Variants in CDH13 observed in about 807,000 individuals in gnomAD.
CDH13 encodes cadherin 13.
A neutral mutation model predicts 63.8 loss-of-function variants in CDH13; 24 were observed. The ratio of observed to expected loss-of-function variants is 0.38; its 90% CI spans 0.27 to 0.53. The LOEUF (loss-of-function observed/expected upper bound fraction) is 0.53. Among genes scored for constraint, CDH13 ranks in the 20% least tolerant of loss-of-function variants. The probability of loss-of-function intolerance (pLI) is 0.85; values close to 1 mark genes in which losing one functional copy is unlikely to be tolerated. For synonymous variants in CDH13, 503 were observed against 355.3 expected, an observed-to-expected ratio of 1.42 and a Z score of -4.67; for missense variants, 1,049 against 903.1, an observed-to-expected ratio of 1.16 and a Z score of -2.07.
chr16:82,828,699 TAC>T (rs1456425689), intron 1 of CDH13, among the ~76,000 whole-genome samples: 1 of 151,902 alleles, frequency 6.6e-6, no homozygotes, highest in Non-Finnish European at 1.5e-5. Context: ...CATATATATA[TAC>T]ATATATACAC....
chr16:82,935,415 G>T (rs545731463), intron 2 of CDH13, among the ~76,000 whole-genome samples: 1 of 152,196 alleles, frequency 6.6e-6, no homozygotes, highest in South Asian at 2.1e-4. Context: ...AAGCCAGACC[G>T]TATGACATGG....
At chr16:83,067,675 C>T (rs1444224110) in intron 3 of CDH13, among the ~76,000 whole-genome samples, 1 of 152,158 alleles carries the variant, frequency 6.6e-6, no homozygotes, top group East Asian at 1.9e-4. Context: ...TCAAGGGAAA[C>T]ATGACTGAAT....
intron 5 of CDH13, among the ~76,000 whole-genome samples, chr16:83,279,772 C>G (rs754586300): frequency 6.6e-6 from 1 of 151,828 alleles, no homozygotes; most frequent in Non-Finnish European, 1.5e-5. Flanking sequence ...ATAGGCGTAG[C>G]TCAGAGATAT....
chr16:83,590,166 A>C (rs984105164), intron 7 of CDH13, among the ~76,000 whole-genome samples: 4 of 152,316 alleles, frequency 2.6e-5, no homozygotes, highest in African/African-American at 9.6e-5. Flanking sequence ...TTTTAAGGAG[A>C]GTCCTTGGTC....
intron 1 of CDH13, chr16:82,705,271 A>C (rs1442101217): frequency 1.2e-5 from 5 of 417,014 alleles, no homozygotes; most frequent in Admixed American, 8.8e-5. Flanking sequence ...ACCACGTTGG[A>C]CAGGTGAGAT....
chr16:82,647,794 G>C (rs534105978), intron 1 of CDH13, among the ~76,000 whole-genome samples: 2 of 152,188 alleles, frequency 1.3e-5, no homozygotes, highest in South Asian at 4.1e-4. Flanking sequence ...GGGTTGGGTG[G>C]TGAGCTGTCT....
chr16:82,705,638 G>A (rs771597052), intron 1 of CDH13, among the ~76,000 whole-genome samples: 3 of 151,844 alleles, frequency 2.0e-5, no homozygotes, highest in Admixed American at 1.3e-4. Context: ...CACCACACAC[G>A]CCTGCTTCTT....
chr16:83,543,288 C>T (rs1318115228), intron 7 of CDH13, among the ~76,000 whole-genome samples: 1 of 152,210 alleles, frequency 6.6e-6, no homozygotes, highest in Non-Finnish European at 1.5e-5. Flanking sequence ...TGTCACTCCT[C>T]ATTACATATT....
At chr16:83,513,124 A>G (rs141527062) in intron 7 of CDH13, among the ~76,000 whole-genome samples, 3 of 152,314 alleles carry the variant, frequency 2.0e-5, no homozygotes, top group East Asian at 3.9e-4. Context: ...TCGAGCCTAT[A>G]ATGCCTGCTA....
chr16:83,097,147 G>A (rs1463953068), intron 3 of CDH13, among the ~76,000 whole-genome samples: 1 of 152,150 alleles, frequency 6.6e-6, no homozygotes, highest in Non-Finnish European at 1.5e-5. Context: ...CATAAAGGAG[G>A]AGACTCGGTT....
intron 2 of CDH13, 95 bp from the exon 3 acceptor site, chr16:83,031,915 C>A: frequency 3.1e-6 from 3 of 969,996 alleles, no homozygotes; most frequent in African/African-American, 1.6e-5. Flanking sequence ...GGTTGGGAAA[C>A]TATGTGGTAA....
intron 1 of CDH13, among the ~76,000 whole-genome samples, chr16:82,690,671 A>G (rs544373546): frequency 1.5e-4 from 23 of 152,372 alleles, no homozygotes; most frequent in Admixed American, 3.9e-4. Context: ...ATGAAGCAGA[A>G]CTACTGTGCT....
chr16:83,010,065 G>A lies in CDH13; in HGVS notation c.158-21945G>A, dbSNP rs867690278. Reference sequence around the variant, plus strand: ...CAGGAGAATCACTTCAACCCAGGAGGTGGAGGTTGCAGTGAGCTGAGATCA... The same window carrying A: ...CAGGAGAATCACTTCAACCCAGGAGATGGAGGTTGCAGTGAGCTGAGATCA... On this transcript the variant is annotated intron_variant, in intron 2 of 13. Transcript: ENST00000567109. Among the ~76,000 whole-genome samples the A allele has an allele frequency of 3.4e-5, 5 of 145,896 alleles. No individual in the cohort carries two copies. The South Asian group carries it at 8.8e-4, about 26-fold the overall frequency.
chr16:83,211,116 C>G (rs528622197), intron 4 of CDH13, among the ~76,000 whole-genome samples: 91 of 150,890 alleles, frequency 6.0e-4, no homozygotes, highest in Admixed American at 1.3e-3. Flanking sequence ...CCAGTGCACT[C>G]CAGCCTGGGT....
intron 10 of CDH13, among the ~76,000 whole-genome samples, chr16:83,686,338 A>G (rs1904316586): frequency 6.6e-6 from 1 of 152,216 alleles, no homozygotes; most frequent in Admixed American, 6.5e-5. Flanking sequence ...ATGAGCCACC[A>G]GAGCTTCCTC....
At chr16:83,475,957 A>T (rs1052079545) in intron 6 of CDH13, among the ~76,000 whole-genome samples, 1 of 152,184 alleles carries the variant, frequency 6.6e-6, no homozygotes, top group Admixed American at 6.5e-5. Flanking sequence ...AGCGACAATA[A>T]GCCCATTGTT....
At chr16:83,725,019 G>C (rs530971993) in intron 10 of CDH13, among the ~76,000 whole-genome samples, 1 of 152,278 alleles carries the variant, frequency 6.6e-6, no homozygotes, top group East Asian at 1.9e-4. Flanking sequence ...TATGGCCTCT[G>C]TCATCCAGTT....
At chr16:82,890,707 A>G (rs986038587) in intron 2 of CDH13, among the ~76,000 whole-genome samples, 3 of 149,098 alleles carry the variant, frequency 2.0e-5, no homozygotes, top group African/African-American at 7.5e-5. Flanking sequence ...GCTAGAGTGC[A>G]ATGGCATGAT....
chr16:82,651,708 C>T (rs1910741419), intron 1 of CDH13, among the ~76,000 whole-genome samples: 1 of 152,198 alleles, frequency 6.6e-6, no homozygotes, highest in Non-Finnish European at 1.5e-5. Context: ...GTAGGAAGTA[C>T]AGCTGGGGCT....
Sources: allele counts gnomAD v4.1 joint callset (sites outside exome capture counted in the v4.1 genomes callset), GRCh38; gene constraint gnomAD v4.1.1; transcripts MANE v1.5; gene names NCBI Gene and HGNC (gene_info 2026-07-23, HGNC 2026-07-21).